XYLT1: variants seen among roughly 807,000 people sequenced by gnomAD.
XYLT1 encodes xylosyltransferase 1.
Under a neutral mutation model 91.3 loss-of-function variants are expected in XYLT1, and 36 were observed. The ratio of observed to expected loss-of-function variants is 0.39; its 90% CI spans 0.30 to 0.52. The LOEUF is 0.52. Ranked by LOEUF, XYLT1 falls within the 20% of genes least tolerant of loss-of-function variation. The pLI, the probability that XYLT1 is intolerant of heterozygous loss-of-function variation, is 0.68. For synonymous variants in XYLT1, 588 were observed against 532.0 expected, an observed-to-expected ratio of 1.11 and a Z score of -1.45; for missense variants, 1,242 against 1,284.5, an observed-to-expected ratio of 0.97 and a Z score of 0.51.
chr16:17,362,989 C>G (rs905489973), intron 1 of XYLT1, among the ~76,000 whole-genome samples: 2 of 152,210 alleles, frequency 1.3e-5, no homozygotes, highest in African/African-American at 4.8e-5. Flanking sequence ...GCCAAGAGCC[C>G]TCTAATTAAG....
At chr16:17,236,314 AGGGTCTTACCACCTCTTCTTCCTT>A (rs1442028554) in intron 3 of XYLT1, among the ~76,000 whole-genome samples, 7 of 152,126 alleles carry the variant, frequency 4.6e-5, no homozygotes, top group Non-Finnish European at 1.0e-4. Context: ...GAGCATGTGT[AGGGTCTTACCACCTCTTCTTCCTT>A]TACGAGTCTA....
At chr16:17,248,699 A>G (rs903032236) in intron 3 of XYLT1, among the ~76,000 whole-genome samples, 3 of 150,858 alleles carry the variant, frequency 2.0e-5, no homozygotes, top group Non-Finnish European at 2.9e-5. Flanking sequence ...ACTATAAAAC[A>G]CAACTATGCA....
intron 1 of XYLT1, among the ~76,000 whole-genome samples, chr16:17,408,155 C>T (rs956681867): frequency 6.6e-5 from 10 of 152,276 alleles, no homozygotes; most frequent in Admixed American, 1.3e-4. Context: ...ACAAAATATA[C>T]GATGATAGCC....
intron 11 of XYLT1, 102 bp downstream of exon 11, chr16:17,117,544 C>G: frequency 7.7e-7 from 1 of 1,294,644 alleles, no homozygotes; most frequent in South Asian, 1.5e-5. Flanking sequence ...TGTGAGGCCG[C>G]TGCTTACCCT....
chr16:17,341,617 G>C (rs2035064374), intron 2 of XYLT1, among the ~76,000 whole-genome samples: 1 of 152,084 alleles, frequency 6.6e-6, no homozygotes, highest in Non-Finnish European at 1.5e-5. Flanking sequence ...AATAACTTGT[G>C]CACCGACATA....
In XYLT1 at chr16:17,105,981, TATTA is replaced by T. The variant is rs1378722635; in HGVS notation, c.*2710_*2713del. ...ATATCTGCAACCTTATTCTCTGGTC[TATTA>T]ATTAATAACATCAGAGAAGGGAGAG... On this transcript the variant is annotated 3_prime_UTR_variant, in exon 12 of 12. Transcript: ENST00000261381. 1 of 152,078 alleles carries T rather than the reference TATTA, an allele frequency of 6.6e-6. No homozygotes were observed. The highest frequency in any genetic ancestry group is 1.5e-5 in the Non-Finnish European group (1 of 68,022). 9.4% of individuals were successfully genotyped at this position (152,078 alleles called of 1,614,324 possible).
At chr16:17,111,601 G>A (rs929839803) in intron 11 of XYLT1, among the ~76,000 whole-genome samples, 1 of 152,228 alleles carries the variant, frequency 6.6e-6, no homozygotes, top group South Asian at 2.1e-4. Context: ...TCCAGAGCAG[G>A]CAAGAAGAAG....
chr16:17,243,616 A>G (rs2033383969), intron 3 of XYLT1, among the ~76,000 whole-genome samples: 1 of 152,202 alleles, frequency 6.6e-6, no homozygotes, highest in Non-Finnish European at 1.5e-5. Context: ...CGAGTGAGGG[A>G]GGGGCACAGC....
chr16:17,145,794 A>G (rs192889310), intron 6 of XYLT1, among the ~76,000 whole-genome samples: 238 of 152,374 alleles, frequency 1.6e-3, no homozygotes, highest in Non-Finnish European at 1.9e-3. Context: ...CAGGGCAGGT[A>G]GCCAGGGCTG....
At chr16:17,358,282 C>T (rs575091205) in intron 1 of XYLT1, among the ~76,000 whole-genome samples, 21 of 152,136 alleles carry the variant, frequency 1.4e-4, no homozygotes, top group East Asian at 1.2e-3. Flanking sequence ...TACAGGCATG[C>T]ACTATCATGC....
chr16:17,362,970 C>G (rs908056462), intron 1 of XYLT1, among the ~76,000 whole-genome samples: 1 of 152,198 alleles, frequency 6.6e-6, no homozygotes, highest in African/African-American at 2.4e-5. Flanking sequence ...GGCTTGGTGC[C>G]TTCTCTCCGC....
At chr16:17,379,758 C>T (rs867467682) in intron 1 of XYLT1, among the ~76,000 whole-genome samples, 2,483 of 140,418 alleles carry the variant, frequency 0.018, 57 homozygotes, top group African/African-American at 0.07. Flanking sequence ...CTCTCTCTCT[C>T]TCTCTCACAC....
chr16:17,415,367 A>T (rs941905369), intron 1 of XYLT1, among the ~76,000 whole-genome samples: 15 of 152,210 alleles, frequency 9.9e-5, no homozygotes, highest in Non-Finnish European at 2.9e-5. Flanking sequence ...TACAGGCAGC[A>T]GGAAAGAGGT....
intron 2 of XYLT1, among the ~76,000 whole-genome samples, chr16:17,284,535 AG>A (rs1369055530): frequency 6.6e-6 from 1 of 152,228 alleles, no homozygotes; most frequent in Non-Finnish European, 1.5e-5. Context: ...CTCTCTGAGG[AG>A]GTAGCATTTG....
rs760513040 is a variant in XYLT1 at position 17,259,467 on chromosome 16, T to G, written c.434A>C (p.Lys145Thr). The G allele has an allele frequency of 2.0e-5, 33 of 1,611,262 alleles. No individual in the cohort carries two copies. In the Admixed American group the frequency reaches 5.3e-4, roughly 26 times the overall value. The part of the protein sequence containing the change: ...DGYFSHRPKE[K>T]VRTDSNNENS... ...CTCGTTGTTGCTGTCTGTTCGCACT[T>G]TCTCTTTCGGCCGATGAGAAAAGTA... The change falls in exon 3 of 12, where the codon AAA becomes ACA. Residue 145 changes from lysine (K) to threonine (T), a missense_variant. By Grantham distance (78) the Lys-to-Thr change is moderately conservative. This residue lies in a region of XYLT1 where 437 missense variants were observed against 411.5 expected (regional missense o/e 1.06). Transcript: ENST00000261381.
intron 2 of XYLT1, among the ~76,000 whole-genome samples, chr16:17,341,871 T>A (rs1250639160): frequency 1.3e-5 from 2 of 152,180 alleles, no homozygotes; most frequent in Non-Finnish European, 2.9e-5. Flanking sequence ...ATAAACTACT[T>A]CTTTTGGCTT....
intron 3 of XYLT1, among the ~76,000 whole-genome samples, chr16:17,252,092 T>C (rs752764104): frequency 4.0e-5 from 6 of 151,854 alleles, no homozygotes; most frequent in African/African-American, 7.3e-5. Flanking sequence ...AACTCCTCCA[T>C]TGCGACGATT....
chr16:17,464,075 A>G (rs1436808021), intron 1 of XYLT1, among the ~76,000 whole-genome samples: 2 of 152,018 alleles, frequency 1.3e-5, no homozygotes, highest in Non-Finnish European at 1.5e-5. Context: ...TGATTAGGGG[A>G]GTAGGGAGGA....
At chr16:17,164,208 TTAAG>T (rs1224749238) in intron 5 of XYLT1, among the ~76,000 whole-genome samples, 1 of 152,120 alleles carries the variant, frequency 6.6e-6, no homozygotes, top group Non-Finnish European at 1.5e-5. Flanking sequence ...CCCATAATCT[TTAAG>T]TTATTTCATA....
Sources: allele counts gnomAD v4.1 joint callset (sites outside exome capture counted in the v4.1 genomes callset), GRCh38; gene constraint gnomAD v4.1.1; regional missense constraint gnomAD v4.1.1; transcripts MANE v1.5; gene names NCBI Gene and HGNC (gene_info 2026-07-23, HGNC 2026-07-21).